The following POLE variants were observed in gnomAD, a reference collection of about 807,000 sequenced individuals.
POLE encodes the protein DNA polymerase epsilon catalytic subunit A.
Under a neutral mutation model 279.2 loss-of-function variants are expected in POLE, and 188 were observed. That is an observed-to-expected ratio of 0.67 (90% confidence interval 0.60 to 0.76). POLE has a LOEUF of 0.76. Ranked by LOEUF, POLE falls within the 30% of genes least tolerant of loss-of-function variation. The pLI is 0.00. For missense variants in POLE, 2,703 were observed against 3,016.7 expected (o/e 0.90, Z 2.44); for synonymous variants, 1,214 against 1,172.5 (o/e 1.04, Z -0.72).
rs2138606397 is a variant in POLE, at chr12:132,649,364, C to T, written c.3947G>A (p.Gly1316Glu). The change falls in exon 31 of 49, where the codon GGG becomes GAG. Residue 1316 changes from glycine to glutamate, a missense_variant. By Grantham distance (98) the Gly-to-Glu change is moderately conservative. Transcript: ENST00000320574. The stretch of plus-strand genomic sequence containing the variant: ...GCGGGCAGTTCTTCGCAAGAAGCTC[C>T]CCAGCCCCGTGGCAGGACCATCCCG... ...AIRDGPATGL[G>E]SFLRRTARSI... 6.2e-7 allele frequency: 1 copy of T among 1,613,602 alleles called. No homozygotes were observed. Among genetic ancestry groups the T allele is most frequent in the East Asian group, 2.2e-5 (1 of 44,878 alleles).
At chr12:132,687,217 A>G (rs2136051602) in intron 1 of POLE, 37 bp downstream of exon 1, 1 of 1,380,440 alleles carries the variant, frequency 7.2e-7, no homozygotes, top group South Asian at 1.4e-5. Context: ...CACCCTCCGG[A>G]GGGCCGGCCC....
intron 32 of POLE, among the ~76,000 whole-genome samples, chr12:132,647,954 G>A (rs1358999156): frequency 6.6e-6 from 1 of 152,094 alleles, no homozygotes; most frequent in South Asian, 2.1e-4. Flanking sequence ...GGCTGGAATC[G>A]AGTTTCACCT....
intron 29 of POLE, among the ~76,000 whole-genome samples, chr12:132,655,555 A>G (rs2042514259): frequency 6.6e-6 from 1 of 152,336 alleles, no homozygotes; most frequent in South Asian, 2.1e-4. Context: ...TGCTCCAACT[A>G]TCAATTGAGG....
At chr12:132,667,454 C>T in intron 20 of POLE, 49 bp downstream of exon 20, 5 of 1,601,488 alleles carry the variant, frequency 3.1e-6, no homozygotes, top group Non-Finnish European at 4.3e-6. Context: ...CATGAGCCGA[C>T]TGAAACTGCC....
At chr12:132,680,306 TC>T (rs1330995265) in intron 3 of POLE, 84 bp from the exon 4 acceptor site, 53 of 1,293,658 alleles carry the variant, frequency 4.1e-5, no homozygotes, top group Non-Finnish European at 5.6e-5. Context: ...TGCTCCTATA[TC>T]CCATGAACAG....
intron 32 of POLE, among the ~76,000 whole-genome samples, chr12:132,644,730 G>A (rs530994193): frequency 7.8e-4 from 117 of 149,506 alleles, no homozygotes; most frequent in African/African-American, 2.7e-3. Flanking sequence ...CGTGAATGGG[G>A]TCCTGGAGGG....
chr12:132,646,638 C>G (rs1241592293), intron 32 of POLE, among the ~76,000 whole-genome samples: 1 of 151,928 alleles, frequency 6.6e-6, no homozygotes, highest in African/African-American at 2.4e-5. Context: ...TCGAGACCAG[C>G]CTAACCAACA....
intron 6 of POLE, among the ~76,000 whole-genome samples, chr12:132,678,407 GTAATAA>G (rs544706725): frequency 6.6e-6 from 1 of 150,578 alleles, no homozygotes; most frequent in Non-Finnish European, 1.5e-5. Flanking sequence ...CTCTACAAAA[GTAATAA>G]TAATAATAAT....
chr12:132,659,038 C>T (rs888926988), intron 26 of POLE, among the ~76,000 whole-genome samples: 16 of 152,146 alleles, frequency 1.1e-4, no homozygotes, highest in Admixed American at 6.5e-5. Context: ...CAATTCAACC[C>T]TTTGAACTCT....
intron 31 of POLE, 81 bp downstream of exon 31, chr12:132,649,225 C>T (rs1260644085): frequency 1.3e-6 from 2 of 1,537,818 alleles, no homozygotes; most frequent in Admixed American, 1.7e-5. Flanking sequence ...CCTCCCATCC[C>T]AGACCTCAGG....
intron 33 of POLE, 21 bp from the exon 34 acceptor site, chr12:132,643,581 G>A: frequency 3.1e-6 from 5 of 1,613,692 alleles, no homozygotes; most frequent in Non-Finnish European, 4.2e-6. Context: ...CGGGCAGACA[G>A]GCCGGCAAGG....
intron 16 of POLE, among the ~76,000 whole-genome samples, chr12:132,671,196 A>G (rs138513275): frequency 0.011 from 1,644 of 143,592 alleles, 51 homozygotes; most frequent in African/African-American, 0.043. Flanking sequence ...CCAGGAGGCA[A>G]AGGTTGCAGT....
Position 132,624,361 on chromosome 12 carries a change from G to A in POLE, c.*336C>T, listed in dbSNP as rs1002459979. 2.8e-5 allele frequency: 11 copies of A among 396,882 alleles called. No individual in the cohort carries two copies. Among genetic ancestry groups the A allele is most frequent in the Admixed American group, 1.2e-4 (3 of 25,546 alleles). The allele number at this position is 396,882 out of a possible 1,614,324, so 24.6% of individuals were successfully genotyped here. ...AAAGAACTAGGGGCACCTAGAGGAC[G>A]CTCCCACCCCACCAGGTGTGGTGCA... On this transcript the variant is annotated 3_prime_UTR_variant, in exon 49 of 49. Transcript: ENST00000320574.
rs1232121585 is a variant in POLE at position 132,624,956 on chromosome 12, C to T, written c.6696G>A (p.Met2232Ile). ...LKCRGVKETS[M>I]PVYCSCAGDF... is the part of the protein sequence containing the mutation. Reference sequence around the variant, plus strand: ...CTCCCGCGCAGCTGCAGTACACAGGCATGCTGGTCTCCTTCACCCCGCGGC... The same window carrying T: ...CTCCCGCGCAGCTGCAGTACACAGGTATGCTGGTCTCCTTCACCCCGCGGC... The change falls in exon 48 of 49, where the codon ATG (methionine) becomes ATA (isoleucine). Residue 2232 changes from methionine (M) to isoleucine (I), a missense_variant. By Grantham distance (10) the Met-to-Ile change is conservative. Around this residue, in one of 5 missense-constraint regions of POLE, gnomAD observed 1,551 missense variants for 1,686.1 expected, o/e 0.92. Coordinates refer to ENST00000320574, the MANE Select transcript of POLE (RefSeq NM_006231.4). The T allele has an allele frequency of 1.2e-6, 2 of 1,614,080 alleles. No homozygotes were observed. The highest frequency in any genetic ancestry group is 1.7e-6 in the Non-Finnish European group (2 of 1,179,996).
chr12:132,639,542 A>AACACAACCCG lies in POLE; in HGVS notation c.5379-245_5379-244insCGGGTTGTGT, dbSNP rs2042100043. On this transcript the variant is annotated intron_variant, in intron 39 of 48. Coordinates refer to ENST00000320574, the MANE Select transcript of POLE (RefSeq NM_006231.4). This position sits in a 1 kb window ranked among gnomAD's most constrained non-coding sequence, Gnocchi z 4.7. ...ACTTGTTCAGGCTTCACCGCATCCC[A>AACACAACCCG]AACTCTGTGTGTTCTAAAGCAGGAC... 6.6e-5 allele frequency among the ~76,000 whole-genome samples: 4 copies of AACACAACCCG among 60,780 alleles called. No individual in the cohort carries two copies. In the South Asian group the frequency reaches 1.9e-3, roughly 29 times the overall value. The allele number at this position is 60,780 out of a possible 152,430, so 39.9% of individuals were successfully genotyped here. A position where few individuals can be genotyped will look rare whatever the true frequency, so the allele number is the denominator to read the frequency against.
Position 132,626,572 on chromosome 12 carries a change from A to G in POLE, c.6331-255T>C, listed in dbSNP as rs5745065. Among the ~76,000 whole-genome samples the G allele has an allele frequency of 0.012, 1,784 of 152,092 alleles. 17 individuals are homozygous for G. Among genetic ancestry groups the G allele is most frequent in the Non-Finnish European group, 0.018 (1,225 of 68,032 alleles). ...CTACACAGTATCTTTCAAAACACTG[A>G]AGAGAGAGAGCACTCAACCCATTCT... On this transcript the variant is annotated intron_variant, in intron 45 of 48. Coordinates refer to ENST00000320574, the MANE Select transcript of POLE (RefSeq NM_006231.4).
chr12:132,667,570 T>C lies in POLE; in HGVS notation c.2252A>G (p.Asn751Ser), dbSNP rs763810721. The C allele has an allele frequency of 2.5e-6, 4 of 1,612,270 alleles. No homozygotes were observed. The highest frequency in any genetic ancestry group is 3.4e-6 in the Non-Finnish European group (4 of 1,179,596). The change falls in exon 20 of 49, where the codon AAC (asparagine) becomes AGC (serine). Residue 751 changes from asparagine to serine, a missense_variant. Asn to Ser is a conservative substitution (Grantham distance 46). Around this residue, in one of 5 missense-constraint regions of POLE, gnomAD observed 1,011 missense variants for 1,111.7 expected, o/e 0.91. Coordinates refer to ENST00000320574, the MANE Select transcript of POLE (RefSeq NM_006231.4). ...ACGCACGGTGTCCACGTAGAAGGAG[T>C]TTTCCCGCTGGCAGATGGTGGTGAG... is the stretch of plus-strand genomic sequence containing the variant. ...ERLTTICQRE[N>S]SFYVDTVRAF...
intron 41 of POLE, among the ~76,000 whole-genome samples, chr12:132,636,440 GGAA>G (rs1412800096): frequency 0.21 from 14,896 of 69,826 alleles, 1,540 homozygotes; most frequent in African/African-American, 0.29. Flanking sequence ...ATCCATTTAA[GGAA>G]AAAAAAAAAA....
At chr12:132,628,828 G>A (rs559746915) in intron 45 of POLE, among the ~76,000 whole-genome samples, 7 of 152,058 alleles carry the variant, frequency 4.6e-5, no homozygotes, top group African/African-American at 9.7e-5. Context: ...CTGCAGTCAC[G>A]CCTCCCACAA....
Sources: allele counts gnomAD v4.1 joint callset (sites outside exome capture counted in the v4.1 genomes callset), GRCh38; gene constraint gnomAD v4.1.1; regional missense constraint gnomAD v4.1.1; non-coding constraint Gnocchi (gnomAD v3.1); transcripts MANE v1.5; gene names NCBI Gene and HGNC (gene_info 2026-07-23, HGNC 2026-07-21).